The following ROBO2 variants were observed in gnomAD, a reference collection of about 807,000 sequenced individuals.
ROBO2 encodes the protein roundabout homolog 2.
ROBO2 carries 53 observed loss-of-function variants against 160.8 expected under a neutral mutation model. That is an observed-to-expected ratio of 0.33 (90% CI 0.26 to 0.41). ROBO2 has a LOEUF of 0.41. Among genes scored for constraint, ROBO2 ranks in the 10% least tolerant of loss-of-function variants. ROBO2 has a pLI of 1.00. For synonymous variants in ROBO2, 664 were observed against 611.7 expected, an observed-to-expected ratio of 1.09 and a Z score of -1.26; for missense variants, 1,577 against 1,722.4, an observed-to-expected ratio of 0.92 and a Z score of 1.49.
chr3:76,898,985 G>A lies in ROBO2; in HGVS notation c.110-199029G>A, dbSNP rs1005368167. 4.5e-4 allele frequency among the ~76,000 whole-genome samples: 68 copies of A among 152,068 alleles called. 3 individuals carry two copies. Reference sequence around the variant, plus strand: ...CCTTTATGTGACAGTGGAGAAGAATGGGTCTCATAAACAGCCTAAGACATA... The same window carrying A: ...CCTTTATGTGACAGTGGAGAAGAATAGGTCTCATAAACAGCCTAAGACATA... On this transcript the variant is annotated intron_variant, in intron 2 of 26. Coordinates refer to the ROBO2 transcript ENST00000487694.
intron 1 of ROBO2, among the ~76,000 whole-genome samples, chr3:75,910,191 C>G (rs1473033502): frequency 6.6e-6 from 1 of 152,118 alleles, no homozygotes; most frequent in Non-Finnish European, 1.5e-5. Flanking sequence ...TCTGATGGCC[C>G]AGAAAAGCCT....
At chr3:77,338,891 G>A (rs1397233069) in intron 2 of ROBO2, among the ~76,000 whole-genome samples, 3 of 152,062 alleles carry the variant, frequency 2.0e-5, no homozygotes, top group Non-Finnish European at 4.4e-5. Context: ...AGTAACGCCA[G>A]TGTATTGATA....
At chr3:76,363,332 A>G (rs1260764131) in intron 2 of ROBO2, among the ~76,000 whole-genome samples, 1 of 152,052 alleles carries the variant, frequency 6.6e-6, no homozygotes, top group East Asian at 1.9e-4. Flanking sequence ...TCAGAAGAGA[A>G]ACTATAAGAA....
At chr3:77,638,214 A>T (rs1354702034) in intron 24 of ROBO2, among the ~76,000 whole-genome samples, 7 of 152,236 alleles carry the variant, frequency 4.6e-5, no homozygotes, top group Non-Finnish European at 8.8e-5. Context: ...ATAACTTTTT[A>T]TGTAAAAATC....
chr3:76,077,863 T>C (rs188924124), intron 2 of ROBO2, among the ~76,000 whole-genome samples: 415 of 152,266 alleles, frequency 2.7e-3, no homozygotes, highest in Non-Finnish European at 4.6e-3. Flanking sequence ...TTAAGGAGAC[T>C]GTTCAAATTC....
chr3:75,948,762 ATCTT>A (rs1948424897), intron 2 of ROBO2, among the ~76,000 whole-genome samples: 1 of 152,152 alleles, frequency 6.6e-6, no homozygotes, highest in African/African-American at 2.4e-5. Context: ...ATGTTCTTCT[ATCTT>A]TAATATTTTA....
At chr3:76,854,586 A>C (rs2148566698) in intron 2 of ROBO2, among the ~76,000 whole-genome samples, 1 of 152,274 alleles carries the variant, frequency 6.6e-6, no homozygotes, top group Non-Finnish European at 1.5e-5. Context: ...TTGTTAGAAT[A>C]TTTGAGAAAC....
intron 1 of ROBO2, among the ~76,000 whole-genome samples, chr3:77,086,917 T>C (rs568638363): frequency 6.6e-6 from 1 of 152,346 alleles, no homozygotes; most frequent in Admixed American, 6.5e-5. Flanking sequence ...AATTTAACTT[T>C]ATTATGAAAT....
intron 2 of ROBO2, among the ~76,000 whole-genome samples, chr3:76,786,131 C>G (rs186982037): frequency 5.3e-5 from 8 of 151,228 alleles, no homozygotes; most frequent in African/African-American, 1.9e-4. Context: ...ACAAAATTTT[C>G]AAGGTTTTAA....
intron 2 of ROBO2, among the ~76,000 whole-genome samples, chr3:75,953,802 T>A (rs1948633174): frequency 6.6e-6 from 1 of 151,946 alleles, no homozygotes; most frequent in Non-Finnish European, 1.5e-5. Context: ...TACTGAGCTT[T>A]ACAAGCAATA....
chr3:77,304,023 C>A (rs2062883977), intron 2 of ROBO2, among the ~76,000 whole-genome samples: 1 of 152,118 alleles, frequency 6.6e-6, no homozygotes, highest in African/African-American at 2.4e-5. Context: ...TCAACATCAA[C>A]TAACACATCT....
intron 2 of ROBO2, among the ~76,000 whole-genome samples, chr3:76,348,455 C>T (rs572691939): frequency 1.6e-4 from 24 of 152,218 alleles, no homozygotes; most frequent in Middle Eastern, 3.4e-3. Flanking sequence ...ACCTCAGCGT[C>T]GCCACACAGA....
intron 2 of ROBO2, among the ~76,000 whole-genome samples, chr3:76,649,334 C>T (rs2091143313): frequency 6.6e-6 from 1 of 152,106 alleles, no homozygotes; most frequent in Admixed American, 6.5e-5. Context: ...TCACACACTG[C>T]TACTCCAGCG....
intron 2 of ROBO2, among the ~76,000 whole-genome samples, chr3:75,937,891 ATGTGTG>A (rs369715198): frequency 1.4e-4 from 18 of 129,558 alleles, no homozygotes; most frequent in Admixed American, 5.5e-4. Flanking sequence ...TTATGAGGCT[ATGTGTG>A]TGTGTGTGTG....
intron 2 of ROBO2, among the ~76,000 whole-genome samples, chr3:77,453,739 G>A (rs2081341462): frequency 6.6e-6 from 1 of 152,096 alleles, no homozygotes; most frequent in Non-Finnish European, 1.5e-5. Flanking sequence ...CTTGAAGACA[G>A]AAACTCTACC....
intron 2 of ROBO2, among the ~76,000 whole-genome samples, chr3:76,189,081 G>A (rs755591053): frequency 2.6e-5 from 4 of 152,110 alleles, no homozygotes; most frequent in Admixed American, 1.3e-4. Flanking sequence ...AGTCAGCAGT[G>A]AAGAAATGTG....
chr3:77,290,814 A>C (rs1401895679), intron 2 of ROBO2, among the ~76,000 whole-genome samples: 1 of 104,874 alleles, frequency 9.5e-6, no homozygotes, highest in East Asian at 3.0e-4. Flanking sequence ...CCCAGACATA[A>C]AGTAAAATTG....
chr3:76,912,778 A>C (rs565902075), intron 2 of ROBO2, among the ~76,000 whole-genome samples: 52 of 152,308 alleles, frequency 3.4e-4, no homozygotes, highest in Middle Eastern at 3.4e-3. Context: ...ATTCAACTTT[A>C]GGCAAAGAAA....
intron 2 of ROBO2, among the ~76,000 whole-genome samples, chr3:77,027,889 C>G (rs569306222): frequency 3.3e-5 from 5 of 151,986 alleles, no homozygotes; most frequent in Non-Finnish European, 5.9e-5. Context: ...AAAAGTGAAG[C>G]GGGTAGAAAG....
Sources: allele counts gnomAD v4.1 joint callset (sites outside exome capture counted in the v4.1 genomes callset), GRCh38; gene constraint gnomAD v4.1.1; transcripts MANE v1.5; gene names NCBI Gene and HGNC (gene_info 2026-07-23, HGNC 2026-07-21).